The following ATG4A variants were observed in gnomAD, a reference collection of about 807,000 sequenced individuals.
ATG4A encodes the protein cysteine protease ATG4A.
ATG4A carries 22 observed loss-of-function variants against 38.4 expected under a neutral mutation model. That is an observed-to-expected ratio of 0.57 (90% confidence interval 0.41 to 0.82). The LOEUF (loss-of-function observed/expected upper bound fraction) is 0.82. ATG4A is among the 40% of genes least tolerant of loss of function. The pLI is 0.00. For synonymous variants in ATG4A, 86 were observed against 100.7 expected (o/e 0.85, Z 0.88); for missense variants, 220 against 290.0 (o/e 0.76, Z 1.75).
chrX:108,139,601 A>G (rs1219039580), intron 9 of ATG4A, among the ~76,000 whole-genome samples: 1 of 113,108 alleles, frequency 8.8e-6, no homozygotes, highest in Non-Finnish European at 1.9e-5. Flanking sequence ...TTTTCTAAGT[A>G]TAAAACCTAG....
At chrX:108,089,343 G>A (rs1053897188), upstream of ATG4A, among the ~76,000 whole-genome samples, 6 of 111,539 alleles carry the variant, frequency 5.4e-5, no homozygotes, top group Non-Finnish European at 1.1e-4. Context: ...AACTGTCAGT[G>A]AAGTTCTGAC....
chrX:108,152,320 C>T (rs914190459), intron 11 of ATG4A, among the ~76,000 whole-genome samples: 10 of 110,939 alleles, frequency 9.0e-5, no homozygotes, highest in Non-Finnish European at 1.3e-4. Context: ...CTGCAACCTC[C>T]GTCTCCAGGT....
intron 1 of ATG4A, among the ~76,000 whole-genome samples, chrX:108,124,564 G>A (rs2032748531): frequency 9.1e-6 from 1 of 109,902 alleles, no homozygotes; most frequent in South Asian, 4.0e-4. Context: ...CGACTCTCCT[G>A]CTTCAGCCTC....
intron 9 of ATG4A, 136 bp downstream of exon 9, chrX:108,138,327 C>T (rs971870854): frequency 7.5e-6 from 4 of 531,336 alleles, no homozygotes; most frequent in South Asian, 2.9e-5. Context: ...CTGGTCAGCT[C>T]CTTCTGTCTC....
intron 9 of ATG4A, among the ~76,000 whole-genome samples, chrX:108,139,727 C>T (rs1470238416): frequency 1.8e-5 from 2 of 112,401 alleles, no homozygotes; most frequent in African/African-American, 6.5e-5. Flanking sequence ...CTTCAGGCGG[C>T]TATAACAGAA....
intron 1 of ATG4A, among the ~76,000 whole-genome samples, chrX:108,123,204 C>A (rs1004760997): frequency 9.0e-6 from 1 of 111,684 alleles, no homozygotes; most frequent in African/African-American, 3.3e-5. Flanking sequence ...TCCCTGAGAC[C>A]TTGTAGAAAC....
At chrX:108,139,102 A>T (rs2033174839) in intron 9 of ATG4A, among the ~76,000 whole-genome samples, 1 of 111,009 alleles carries the variant, frequency 9.0e-6, no homozygotes, top group African/African-American at 3.3e-5. Flanking sequence ...GAGCTACAGG[A>T]GTTACAAGGG....
At chrX:108,097,968 C>G (rs1602605441) in intron 1 of ATG4A, among the ~76,000 whole-genome samples, 1 of 111,334 alleles carries the variant, frequency 9.0e-6, no homozygotes. Context: ...TTTTTATATA[C>G]AAGTTTTTTT....
chrX:108,137,882 A>G lies in ATG4A; in HGVS notation c.626A>G (p.Gln209Arg). ...RPPDSLTASN[Q>R]SKGTSAYCSA... ...CCCGATTCTTTAACTGCTTCAAACC[A>G]GAGTAAGGGCACCTCTGCCTACTGC... Residue 209 changes from glutamine (Q) to arginine (R), a missense_variant, in exon 8 of 13, where the codon CAG (glutamine) becomes CGG (arginine). Gln to Arg is a conservative substitution (Grantham distance 43). Around this residue, in one of 3 missense-constraint regions of ATG4A, gnomAD observed 159 missense variants for 188.9 expected, o/e 0.84. Coordinates refer to ENST00000372232, the MANE Select transcript of ATG4A (RefSeq NM_052936.5). 8.3e-7 allele frequency: 1 copy of G among 1,206,187 alleles called. No homozygotes were observed. The highest frequency in any genetic ancestry group is 1.1e-6 in the Non-Finnish European group (1 of 893,386).
intron 4 of ATG4A, among the ~76,000 whole-genome samples, chrX:108,133,563 A>G (rs183692645): frequency 8.9e-6 from 1 of 112,606 alleles, no homozygotes; most frequent in East Asian, 2.8e-4. Flanking sequence ...AGCTATGTAT[A>G]TTCCCCTGTG....
rs188049110 is a variant in ATG4A, at chrX:108,109,786, A to T, written c.11-16291A>T. 8.5e-4 allele frequency among the ~76,000 whole-genome samples: 95 copies of T among 112,033 alleles called. 2 individuals carry two copies. The East Asian group carries it at 0.017, about 20-fold the overall frequency. ...CCCTGTTGAAGATCATTTGAATATG[A>T]CAGGGTTTATGTGTGAGCTTTCTAT... On this transcript the variant is annotated intron_variant, in intron 1 of 12. Coordinates refer to ENST00000372232, the MANE Select transcript of ATG4A (RefSeq NM_052936.5).
At chrX:108,143,591 C>T (rs2033355493) in intron 9 of ATG4A, 2 of 145,761 alleles carry the variant, frequency 1.4e-5, no homozygotes. Flanking sequence ...CCTTATTAGC[C>T]TGTTGATGTA....
At chrX:108,120,041 A>G (rs2032611033) in intron 1 of ATG4A, among the ~76,000 whole-genome samples, 1 of 112,305 alleles carries the variant, frequency 8.9e-6, no homozygotes, top group Non-Finnish European at 1.9e-5. Flanking sequence ...CCAATTTCCC[A>G]GTAACAACTG....
At chrX:108,126,684 G>C in intron 2 of ATG4A, 1 of 831,901 alleles carries the variant, frequency 1.2e-6, no homozygotes, top group Non-Finnish European at 1.6e-6. Flanking sequence ...ATCTTTTGCT[G>C]ACCGTAGCAC....
intron 1 of ATG4A, among the ~76,000 whole-genome samples, chrX:108,095,920 G>A (rs1266873940): frequency 9.0e-6 from 1 of 111,167 alleles, no homozygotes; most frequent in Non-Finnish European, 1.9e-5. Context: ...GTGTTGGCCA[G>A]GCTGGTCTGG....
rs148602052 is a variant in ATG4A at position 108,131,344 on chromosome X, G to C, written c.278G>C (p.Arg93Thr). 60 of 1,209,638 alleles carry C rather than the reference G, an allele frequency of 5.0e-5. No individual in the cohort carries two copies. In the African/African-American group the frequency reaches 1.0e-3, roughly 21 times the overall value. The change falls in exon 4 of 13, where the codon AGA (arginine) becomes ACA (threonine). Residue 93 changes from arginine (R) to threonine (T), a missense_variant. By Grantham distance (71) the Arg-to-Thr change is moderately conservative. This residue lies in a region of ATG4A where 61 missense variants were observed against 83.3 expected (regional missense o/e 0.73). Transcript: ENST00000372232. The stretch of plus-strand genomic sequence containing the variant: ...ATGCTGGCTCAAGCCCTTATCTGTA[G>C]ACACTTGGGAAGGGGTGAGTTAAAT... Reference protein sequence around the residue: ...QMMLAQALICRHLGRDWSWEK... With the variant: ...QMMLAQALICTHLGRDWSWEK...
intron 9 of ATG4A, among the ~76,000 whole-genome samples, chrX:108,148,638 C>T (rs1308195517): frequency 9.0e-6 from 1 of 111,050 alleles, no homozygotes; most frequent in Non-Finnish European, 1.9e-5. Flanking sequence ...TGACTCAGTT[C>T]TAACCCTGTT....
chrX:108,153,535 G>A, intron 12 of ATG4A, 107 bp from the exon 13 acceptor site: 1 of 573,802 alleles, frequency 1.7e-6, no homozygotes, highest in Non-Finnish European at 2.9e-6. Context: ...TCTTTCTTTA[G>A]TACAGCAATT....
chrX:108,091,953 C>T, intron 1 of ATG4A, 117 bp downstream of exon 1: 1 of 1,105,509 alleles, frequency 9.0e-7, no homozygotes, highest in African/African-American at 1.8e-5. Flanking sequence ...GTTATGAGAG[C>T]CTAAAGGTCC....
Sources: allele counts gnomAD v4.1 joint callset (sites outside exome capture counted in the v4.1 genomes callset), GRCh38; gene constraint gnomAD v4.1.1; regional missense constraint gnomAD v4.1.1; transcripts MANE v1.5; gene names NCBI Gene and HGNC (gene_info 2026-07-23, HGNC 2026-07-21).